HSD17B12: variants seen among roughly 807,000 people sequenced by gnomAD.
The protein encoded by HSD17B12 is very-long-chain 3-oxoacyl-CoA reductase.
Under a neutral mutation model 39.3 loss-of-function variants are expected in HSD17B12, and 32 were observed. The observed-to-expected ratio is 0.81, with a 90% CI of 0.61 to 1.09. The LOEUF (loss-of-function observed/expected upper bound fraction) is 1.09. Ranked by LOEUF, HSD17B12 falls within the 50% of genes least tolerant of loss-of-function variation. HSD17B12 has a pLI of 0.00. For synonymous variants in HSD17B12, 150 were observed against 146.7 expected, an observed-to-expected ratio of 1.02 and a Z score of -0.16; for missense variants, 342 against 382.9, an observed-to-expected ratio of 0.89 and a Z score of 0.89.
chr11:43,583,407 C>CA, the HSD17B12 span, among the ~76,000 whole-genome samples: 1 of 152,214 alleles, frequency 6.6e-6, no homozygotes, highest in East Asian at 1.9e-4. Flanking sequence ...CCTGCTGCTG[C>CA]AGCTGCTGCT....
chr11:43,639,848 G>A, the HSD17B12 span, among the ~76,000 whole-genome samples: 2 of 152,050 alleles, frequency 1.3e-5, no homozygotes, highest in Non-Finnish European at 2.9e-5. Context: ...TGGTGTCTGC[G>A]GTTGGCATTC....
chr11:43,748,132 A>C (rs572530324), intron 1 of HSD17B12, among the ~76,000 whole-genome samples: 2 of 152,250 alleles, frequency 1.3e-5, no homozygotes, highest in African/African-American at 4.8e-5. Flanking sequence ...GCCTCTAAAA[A>C]CAGTCGGGAG....
the HSD17B12 span, among the ~76,000 whole-genome samples, chr11:43,660,162 C>T: frequency 2.6e-5 from 4 of 152,130 alleles, no homozygotes; most frequent in Admixed American, 6.5e-5. Context: ...CAAGGAGTTC[C>T]CATACCCTCC....
the HSD17B12 span, among the ~76,000 whole-genome samples, chr11:43,657,637 A>G: frequency 1.3e-5 from 2 of 152,088 alleles, no homozygotes; most frequent in Non-Finnish European, 2.9e-5. Context: ...TCTGTAAAGT[A>G]TTTTATTTCT....
chr11:43,854,868 G>A lies in HSD17B12; in HGVS notation c.834+4G>A. The A allele has an allele frequency of 1.2e-6, 2 of 1,612,198 alleles. No individual in the cohort carries two copies. The highest frequency in any genetic ancestry group is 1.7e-6 in the Non-Finnish European group (2 of 1,179,182). ...ATACCTGATCCATGCTCTTATGGTA[G>A]GTAGATTTTTTGAATCACAAATCAA... On this transcript the variant is annotated splice_donor_region_variant and intron_variant, in intron 10 of 10. Transcript: ENST00000278353.
chr11:43,617,713 G>A, the HSD17B12 span, among the ~76,000 whole-genome samples: 2 of 152,044 alleles, frequency 1.3e-5, no homozygotes, highest in Non-Finnish European at 2.9e-5. Flanking sequence ...ATACAGCCGT[G>A]AACAGGGTCA....
At chr11:43,791,953 A>G (rs1296742792) in intron 3 of HSD17B12, among the ~76,000 whole-genome samples, 2 of 152,164 alleles carry the variant, frequency 1.3e-5, no homozygotes. Flanking sequence ...TGTCATGAAT[A>G]TTTTTCCAAG....
At chr11:43,780,197 C>T (rs1281604110) in intron 3 of HSD17B12, among the ~76,000 whole-genome samples, 2 of 151,806 alleles carry the variant, frequency 1.3e-5, no homozygotes, top group Non-Finnish European at 2.9e-5. Context: ...CAGAATTTCA[C>T]TCTTGTCGCC....
At chr11:43,604,715 A>G in the HSD17B12 span, among the ~76,000 whole-genome samples, 1 of 152,196 alleles carries the variant, frequency 6.6e-6, no homozygotes, top group Admixed American at 6.5e-5. Flanking sequence ...AGCTCACACC[A>G]CAATAAGAAC....
At chr11:43,686,855 G>T (rs536156770) in intron 1 of HSD17B12, among the ~76,000 whole-genome samples, 1 of 152,212 alleles carries the variant, frequency 6.6e-6, no homozygotes, top group African/African-American at 2.4e-5. Flanking sequence ...TAATTGCCAG[G>T]GTAGGGTTTA....
At chr11:43,726,212 C>T (rs941273355) in intron 1 of HSD17B12, among the ~76,000 whole-genome samples, 5 of 152,144 alleles carry the variant, frequency 3.3e-5, no homozygotes, top group Middle Eastern at 3.4e-3. Flanking sequence ...TCCCATTTTA[C>T]AGATAAGTAA....
At chr11:43,834,224 G>A (rs1422725838) in intron 7 of HSD17B12, 1 of 151,934 alleles carries the variant, frequency 6.6e-6, no homozygotes, top group African/African-American at 2.4e-5. Context: ...CTCAGTCTTC[G>A]TGAGCATCTG....
the HSD17B12 span, among the ~76,000 whole-genome samples, chr11:43,616,407 T>TAC: frequency 1.6e-5 from 1 of 63,656 alleles, no homozygotes. Context: ...AGACTCCATC[T>TAC]AAAAAAAAAA....
chr11:43,575,391 C>G, the HSD17B12 span, among the ~76,000 whole-genome samples: 15 of 152,356 alleles, frequency 9.8e-5, no homozygotes, highest in African/African-American at 1.4e-4. The surrounding 1 kb of genome is among the most constrained non-coding windows in gnomAD (Gnocchi z 4.1). Context: ...CAGAATTAAT[C>G]CGAGTTACAG....
chr11:43,826,833 T>C (rs1951247277), intron 6 of HSD17B12, among the ~76,000 whole-genome samples: 2 of 152,244 alleles, frequency 1.3e-5, no homozygotes, highest in Non-Finnish European at 2.9e-5. Flanking sequence ...GTGTGCTGTG[T>C]CATTGTAGCA....
At chr11:43,797,560 G>A (rs1372138358) in intron 3 of HSD17B12, among the ~76,000 whole-genome samples, 1 of 152,196 alleles carries the variant, frequency 6.6e-6, no homozygotes, top group African/African-American at 2.4e-5. Context: ...TGATGCTCAT[G>A]TCTGTGTGAC....
the HSD17B12 span, among the ~76,000 whole-genome samples, chr11:43,651,239 A>G: frequency 6.6e-6 from 1 of 152,244 alleles, no homozygotes; most frequent in African/African-American, 2.4e-5. Flanking sequence ...GAGTTAAAAT[A>G]AACTGAATAA....
chr11:43,796,054 C>G (rs537535873), intron 3 of HSD17B12, among the ~76,000 whole-genome samples: 104 of 152,150 alleles, frequency 6.8e-4, no homozygotes, highest in African/African-American at 2.4e-3. Context: ...CCCGAGTGTA[C>G]GTGGACAACA....
the HSD17B12 span, among the ~76,000 whole-genome samples, chr11:43,654,281 G>C: frequency 1.3e-5 from 2 of 152,174 alleles, no homozygotes; most frequent in African/African-American, 4.8e-5. Flanking sequence ...GTTCTTTGTA[G>C]GTTCTGGATA....
Sources: gnomAD v4.1 joint callset for allele counts (sites outside exome capture counted in the v4.1 genomes callset) on GRCh38, gnomAD v4.1.1 for gene constraint, Gnocchi (gnomAD v3.1) non-coding constraint, MANE v1.5 for transcripts, NCBI Gene and HGNC (gene_info 2026-07-23, HGNC 2026-07-21) for gene names.